Variants in FANCI observed in about 807,000 individuals in gnomAD.
FANCI encodes the protein FA complementation group I, also known as Fanconi anemia group I protein.
FANCI carries 156 observed loss-of-function variants against 176.1 expected under a neutral mutation model. That is an observed-to-expected ratio of 0.89 (90% CI 0.78 to 1.01). The LOEUF is 1.01. Among genes scored for constraint, FANCI ranks in the 50% least tolerant of loss-of-function variants. The pLI, the probability that FANCI is intolerant of heterozygous loss-of-function variation, is 0.00. For missense variants in FANCI, 1,678 were observed against 1,534.1 expected (o/e 1.09, Z -1.57); for synonymous variants, 613 against 541.7 (o/e 1.13, Z -1.83).
chr15:89,315,840 G>A (rs1192536644), intron 37 of FANCI, among the ~76,000 whole-genome samples: 1 of 152,144 alleles, frequency 6.6e-6, no homozygotes, highest in Non-Finnish European at 1.5e-5. Flanking sequence ...CTCTTAGCAA[G>A]TGACAGTACC....
chr15:89,297,973 G>A (rs2054373512), intron 24 of FANCI, among the ~76,000 whole-genome samples: 1 of 152,042 alleles, frequency 6.6e-6, no homozygotes, highest in Admixed American at 6.6e-5. Context: ...ATTACATAAT[G>A]GTTAAGTGAT....
chr15:89,309,416 A>G (rs533362874), intron 34 of FANCI, among the ~76,000 whole-genome samples: 6 of 152,282 alleles, frequency 3.9e-5, no homozygotes, highest in South Asian at 2.1e-4. Context: ...CTCATACCGT[A>G]TATCTCTCAC....
At chr15:89,258,042 T>G (rs2052570623) in intron 2 of FANCI, among the ~76,000 whole-genome samples, 1 of 152,176 alleles carries the variant, frequency 6.6e-6, no homozygotes, top group Non-Finnish European at 1.5e-5. Context: ...CTACTACTCT[T>G]TTCTTTATTA....
chr15:89,283,485 A>G (rs1378093273), intron 17 of FANCI, among the ~76,000 whole-genome samples: 1 of 152,210 alleles, frequency 6.6e-6, no homozygotes, highest in Admixed American at 6.5e-5. Context: ...CACTGTCCTC[A>G]GTGTGGCTAT....
At chr15:89,268,582 T>A in intron 10 of FANCI, 57 bp downstream of exon 10, 1 of 1,606,180 alleles carries the variant, frequency 6.2e-7, no homozygotes, top group Non-Finnish European at 8.5e-7. Context: ...TGTTTGAACT[T>A]AAGCCACTGT....
chr15:89,309,643 A>C (rs2054877368), intron 34 of FANCI, among the ~76,000 whole-genome samples: 1 of 152,194 alleles, frequency 6.6e-6, no homozygotes, highest in South Asian at 2.1e-4. Flanking sequence ...AGATCACTTG[A>C]GCCTAGGACT....
At chr15:89,253,512 AAAAT>A (rs10691127) in intron 2 of FANCI, among the ~76,000 whole-genome samples, 2,456 of 138,626 alleles carry the variant, frequency 0.018, 44 homozygotes, top group East Asian at 0.075. Flanking sequence ...CTGTCTCTTA[AAAAT>A]AAATAAATAA....
At chr15:89,277,932 G>C (rs2053470141) in intron 13 of FANCI, among the ~76,000 whole-genome samples, 1 of 152,144 alleles carries the variant, frequency 6.6e-6, no homozygotes, top group Non-Finnish European at 1.5e-5. Context: ...TTCTAATCCA[G>C]AACTATGAAG....
rs2053312582 is a variant in FANCI, at chr15:89,274,080, G to A, written c.976-88G>A. 8 of 1,030,166 alleles carry A rather than the reference G, an allele frequency of 7.8e-6. No individual in the cohort carries two copies. The South Asian group carries it at 1.2e-4, about 16-fold the overall frequency. 63.8% of individuals were successfully genotyped at this position (1,030,166 alleles called of 1,614,324 possible). A position where few individuals can be genotyped will look rare whatever the true frequency, so the allele number is the denominator to read the frequency against. ...TTATAGCATGAGCTATATAATATTTGCTTTATTTTCTTATTTCTTTCATTC... is the reference window on the plus strand; with the variant it reads ...TTATAGCATGAGCTATATAATATTTACTTTATTTTCTTATTTCTTTCATTC... On this transcript the variant is annotated intron_variant, in intron 11 of 37. Coordinates refer to ENST00000310775, the MANE Select transcript of FANCI (RefSeq NM_001113378.2).
Position 89,305,260 on chromosome 15 carries a change from C to T in FANCI, c.3186+18C>T. 6.2e-7 allele frequency: 1 copy of T among 1,614,216 alleles called. No homozygotes were observed. Among genetic ancestry groups the T allele is most frequent in the Non-Finnish European group, 8.5e-7 (1 of 1,180,042 alleles). ...TAGACCAGGTACTATAATGAGCCTTCAGTACAATACCCTGTGTGGGGATGG... is the reference window on the plus strand; with the variant it reads ...TAGACCAGGTACTATAATGAGCCTTTAGTACAATACCCTGTGTGGGGATGG... On this transcript the variant is annotated intron_variant, in intron 29 of 37. Coordinates refer to ENST00000310775, the MANE Select transcript of FANCI (RefSeq NM_001113378.2).
chr15:89,265,090 C>G lies in FANCI; in HGVS notation c.755+483C>G, dbSNP rs535506734. Among the ~76,000 whole-genome samples, 119 of 152,264 alleles carry G rather than the reference C, an allele frequency of 7.8e-4. No homozygotes were observed. In the Middle Eastern group the frequency reaches 0.01, roughly 13 times the overall value. On this transcript the variant is annotated intron_variant, in intron 9 of 37. Transcript: ENST00000310775. ...CTCAGATGTGCTATTTTAACTGAAG[C>G]CTGAATGATAAGATCCATAATATAT...
At chr15:89,297,941 TATTG>T (rs1423085165) in intron 24 of FANCI, among the ~76,000 whole-genome samples, 2 of 152,014 alleles carry the variant, frequency 1.3e-5, no homozygotes, top group South Asian at 2.1e-4. Context: ...GTTATGCTAT[TATTG>T]GGGAAAAAAA....
At chr15:89,247,177 C>T (rs766410048) in intron 1 of FANCI, among the ~76,000 whole-genome samples, 2 of 151,670 alleles carry the variant, frequency 1.3e-5, no homozygotes, top group African/African-American at 2.4e-5. Flanking sequence ...CTCCCCTTCT[C>T]ACTTGTTTTT....
chr15:89,294,814 G>C, intron 23 of FANCI, 101 bp from the exon 24 acceptor site: 3 of 1,250,340 alleles, frequency 2.4e-6, no homozygotes, highest in Non-Finnish European at 3.3e-6. Context: ...AAGCTCTGTT[G>C]GGTGCTGCTG....
intron 27 of FANCI, 149 bp downstream of exon 27, chr15:89,301,591 A>G: frequency 2.7e-6 from 2 of 734,084 alleles, no homozygotes; most frequent in Non-Finnish European, 5.0e-6. Flanking sequence ...TATAAGACCT[A>G]TAAGATGTAT....
In FANCI at chr15:89,264,156, G is replaced by A. The variant is rs983465894; in HGVS notation, c.669+130G>A. ...ACATAGATGCTTTCATTTCACGTGAGCAAACATAGCCGAACATAGATGCTT... is the reference window on the plus strand; with the variant it reads ...ACATAGATGCTTTCATTTCACGTGAACAAACATAGCCGAACATAGATGCTT... On this transcript the variant is annotated intron_variant, in intron 8 of 37. Transcript: ENST00000310775. 3.2e-5 allele frequency: 34 copies of A among 1,050,922 alleles called. No homozygotes were observed. In the East Asian group the frequency reaches 6.2e-4, roughly 19 times the overall value. 65.1% of individuals were successfully genotyped at this position (1,050,922 alleles called of 1,614,324 possible). A position where few individuals can be genotyped will look rare whatever the true frequency, so the allele number is the denominator to read the frequency against.
chr15:89,274,795 G>C (rs1352210252), intron 12 of FANCI, among the ~76,000 whole-genome samples: 1 of 151,756 alleles, frequency 6.6e-6, no homozygotes. Flanking sequence ...TGTAGAGACA[G>C]AGTTTCGCCA....
rs2151913209 is a variant in FANCI at position 89,305,169 on chromosome 15, C to T, written c.3113C>T (p.Ser1038Leu). The T allele has an allele frequency of 3.7e-6, 6 of 1,614,206 alleles. No homozygotes were observed. Among genetic ancestry groups the T allele is most frequent in the South Asian group, 2.2e-5 (2 of 91,078 alleles). ...LMNLLFSLHV[S>L]YKSPVILLRD... Reference sequence around the variant, plus strand: ...AACTTGCTCTTCAGCCTGCATGTTTCGTATAAGAGTCCTGTCATTCTGCTG... The same window carrying T: ...AACTTGCTCTTCAGCCTGCATGTTTTGTATAAGAGTCCTGTCATTCTGCTG... Residue 1038 changes from serine (S) to leucine (L), a missense_variant, in exon 29 of 38, where the codon TCG becomes TTG. Ser to Leu is a moderately radical substitution (Grantham distance 145, BLOSUM62 -2). This residue lies in a region of FANCI where 1,204 missense variants were observed against 1,077.4 expected (regional missense o/e 1.12). Transcript: ENST00000310775.
At chr15:89,287,546 C>A (rs995409577) in intron 18 of FANCI, among the ~76,000 whole-genome samples, 4 of 152,044 alleles carry the variant, frequency 2.6e-5, no homozygotes, top group African/African-American at 9.7e-5. Context: ...CTTTAAATTT[C>A]CTTTAAGAGC....
Sources: allele counts gnomAD v4.1 joint callset (sites outside exome capture counted in the v4.1 genomes callset), GRCh38; gene constraint gnomAD v4.1.1; regional missense constraint gnomAD v4.1.1; transcripts MANE v1.5; gene names NCBI Gene and HGNC (gene_info 2026-07-23, HGNC 2026-07-21).